Variants in MTCL2 observed in about 807,000 individuals in gnomAD.
The protein encoded by MTCL2 is microtubule cross-linking factor 2.
At chr20:36,818,445 C>T in the MTCL2 span, among the ~76,000 whole-genome samples, 25 of 152,134 alleles carry the variant, frequency 1.6e-4, no homozygotes, top group Middle Eastern at 3.4e-3. Flanking sequence ...TATAACAAAT[C>T]GTAATTACAC....
At chr20:36,840,014 C>T in the MTCL2 span, among the ~76,000 whole-genome samples, 14 of 152,122 alleles carry the variant, frequency 9.2e-5, no homozygotes, top group African/African-American at 3.4e-4. Flanking sequence ...AGGTGCCCAC[C>T]ACCACACCCA....
chr20:36,799,209 T>TA, the MTCL2 span, among the ~76,000 whole-genome samples: 1 of 151,196 alleles, frequency 6.6e-6, no homozygotes, highest in African/African-American at 2.4e-5. Flanking sequence ...ATACAAAAGT[T>TA]GCCGGGCACG....
At chr20:36,844,295 C>T in the MTCL2 span, among the ~76,000 whole-genome samples, 1 of 151,788 alleles carries the variant, frequency 6.6e-6, no homozygotes, top group Non-Finnish European at 1.5e-5. Context: ...GTGGCTCACC[C>T]CTGTAACCCC....
the MTCL2 span, among the ~76,000 whole-genome samples, chr20:36,798,409 G>A: frequency 6.6e-6 from 1 of 152,208 alleles, no homozygotes; most frequent in African/African-American, 2.4e-5. Flanking sequence ...TGTATGATAG[G>A]TGTTCTTGTG....
chr20:36,845,036 GAAGAAGAA>G, the MTCL2 span, among the ~76,000 whole-genome samples: 8 of 150,284 alleles, frequency 5.3e-5, no homozygotes, highest in Admixed American at 5.3e-4. Flanking sequence ...AGAAGAAGAA[GAAGAAGAA>G]AAGAAAAAGA....
the MTCL2 span, among the ~76,000 whole-genome samples, chr20:36,825,752 A>G: frequency 6.6e-6 from 1 of 152,192 alleles, no homozygotes; most frequent in Non-Finnish European, 1.5e-5. Context: ...TCTCCATAGA[A>G]ACCATGTCAG....
the MTCL2 span, chr20:36,863,412 G>C: frequency 9.1e-7 from 1 of 1,093,102 alleles, no homozygotes. This position sits in a 1 kb window ranked among gnomAD's most constrained non-coding sequence, Gnocchi z 6.2. Context: ...ACGTCCCTGG[G>C]GAGGGACCCG....
the MTCL2 span, among the ~76,000 whole-genome samples, chr20:36,817,950 C>G: frequency 2.6e-5 from 4 of 152,218 alleles, no homozygotes; most frequent in African/African-American, 9.6e-5. Context: ...AGCTGAGTAC[C>G]TCTCCCAGCG....
the MTCL2 span, among the ~76,000 whole-genome samples, chr20:36,821,474 G>A: frequency 3.3e-5 from 5 of 151,722 alleles, no homozygotes; most frequent in South Asian, 2.1e-4. Flanking sequence ...GTTGCAGTGA[G>A]CCGAGATCAC....
chr20:36,801,561 C>A, the MTCL2 span, among the ~76,000 whole-genome samples: 9 of 147,054 alleles, frequency 6.1e-5, no homozygotes, highest in South Asian at 6.6e-4. Flanking sequence ...AAAAAAAAAA[C>A]AACTTTTTTT....
the MTCL2 span, among the ~76,000 whole-genome samples, chr20:36,823,252 G>A: frequency 6.6e-6 from 1 of 152,198 alleles, no homozygotes; most frequent in Non-Finnish European, 1.5e-5. Context: ...AGGACAGATG[G>A]AGCCAACTGC....
At chr20:36,823,055 G>A in the MTCL2 span, among the ~76,000 whole-genome samples, 3 of 152,266 alleles carry the variant, frequency 2.0e-5, no homozygotes, top group Middle Eastern at 3.4e-3. Context: ...CACTGTGCCC[G>A]GCCTACTGTA....
the MTCL2 span, among the ~76,000 whole-genome samples, chr20:36,807,829 T>G: frequency 6.7e-6 from 1 of 150,048 alleles, no homozygotes; most frequent in Admixed American, 6.7e-5. Context: ...GTCAGGAGTT[T>G]GAGAGATCAG....
the MTCL2 span, chr20:36,828,767 T>C: frequency 2.7e-6 from 1 of 369,436 alleles, no homozygotes; most frequent in Non-Finnish European, 4.9e-6. Context: ...CCACAGCGGC[T>C]GTGGTTCTTT....
chr20:36,821,933 A>T, the MTCL2 span, among the ~76,000 whole-genome samples: 33 of 152,372 alleles, frequency 2.2e-4, no homozygotes, highest in Admixed American at 2.2e-3. Flanking sequence ...ACTTTCCCCA[A>T]GAAGTCACCA....
chr20:36,849,923 G>A, the MTCL2 span, among the ~76,000 whole-genome samples: 3 of 152,066 alleles, frequency 2.0e-5, no homozygotes, highest in African/African-American at 7.2e-5. Flanking sequence ...TCTGAACCCA[G>A]CAACAGCTCC....
chr20:36,839,007 A>G, the MTCL2 span, among the ~76,000 whole-genome samples: 1 of 151,772 alleles, frequency 6.6e-6, no homozygotes, highest in South Asian at 2.1e-4. The surrounding 1 kb of genome is among the most constrained non-coding windows in gnomAD (Gnocchi z 5.1). Flanking sequence ...TGCTAGTAGG[A>G]AGGATTCATA....
the MTCL2 span, among the ~76,000 whole-genome samples, chr20:36,810,733 T>TCTCTCTCTCTCTCTCC: frequency 1.4e-5 from 2 of 148,080 alleles, no homozygotes; most frequent in African/African-American, 2.5e-5. Flanking sequence ...TCTCTCTCTC[T>TCTCTCTCTCTCTCTCC]CTCTCTCTCT....
chr20:36,792,885 C>T, the MTCL2 span, among the ~76,000 whole-genome samples: 622 of 151,570 alleles, frequency 4.1e-3, 7 homozygotes, highest in African/African-American at 0.014. Flanking sequence ...GACAGACAGA[C>T]AGACAGACAG....
Sources: gnomAD v4.1 joint callset for allele counts (sites outside exome capture counted in the v4.1 genomes callset) on GRCh38, gnomAD v4.1.1 for gene constraint, Gnocchi (gnomAD v3.1) non-coding constraint, MANE v1.5 for transcripts, NCBI Gene and HGNC (gene_info 2026-07-23, HGNC 2026-07-21) for gene names.